The following AGMO variants were observed in gnomAD, a reference collection of about 807,000 sequenced individuals.
AGMO encodes the protein alkylglycerol monooxygenase, also known as glyceryl-ether monooxygenase.
AGMO carries 75 observed loss-of-function variants against 60.2 expected under a neutral mutation model. That is an observed-to-expected ratio of 1.25 (90% CI 1.03 to 1.51). The LOEUF is 1.51. Among genes scored for constraint, AGMO ranks in the 40% most tolerant of loss-of-function variants. The probability of loss-of-function intolerance (pLI) is 0.00; values close to 1 mark genes in which losing one functional copy is unlikely to be tolerated. For synonymous variants in AGMO, 261 were observed against 177.1 expected (o/e 1.47, Z -3.76); for missense variants, 763 against 525.5 (o/e 1.45, Z -4.42).
intron 12 of AGMO, among the ~76,000 whole-genome samples, chr7:15,341,308 G>C (rs1052984073): frequency 2.6e-5 from 4 of 152,118 alleles, no homozygotes; most frequent in African/African-American, 4.8e-5. Context: ...TCTCCCACCA[G>C]ATACCTTAAA....
At chr7:15,154,378 C>T in the AGMO span, among the ~76,000 whole-genome samples, 1 of 152,120 alleles carries the variant, frequency 6.6e-6, no homozygotes, top group Non-Finnish European at 1.5e-5. Flanking sequence ...TGAAAGGAAT[C>T]ATAGATGACA....
At chr7:15,264,416 G>A (rs1374842637) in intron 12 of AGMO, among the ~76,000 whole-genome samples, 1 of 151,772 alleles carries the variant, frequency 6.6e-6, no homozygotes, top group Non-Finnish European at 1.5e-5. Flanking sequence ...GGGAAAAAAT[G>A]CACCCTAGAT....
intron 3 of AGMO, among the ~76,000 whole-genome samples, chr7:15,510,597 A>G (rs1389426254): frequency 6.7e-6 from 1 of 149,728 alleles, no homozygotes; most frequent in Non-Finnish European, 1.5e-5. Context: ...TAACATAGAA[A>G]ATTATTCAGT....
intron 12 of AGMO, among the ~76,000 whole-genome samples, chr7:15,338,045 A>G (rs1781719281): frequency 6.6e-6 from 1 of 152,222 alleles, no homozygotes; most frequent in South Asian, 2.1e-4. Flanking sequence ...GGAATGTTTT[A>G]TAAATTACTT....
intron 12 of AGMO, among the ~76,000 whole-genome samples, chr7:15,361,637 G>C (rs1782771136): frequency 6.6e-6 from 1 of 150,412 alleles, no homozygotes. Context: ...AAGAGAGAGA[G>C]AAAGAATAAA....
chr7:15,347,592 C>CA (rs1350231865), intron 12 of AGMO, among the ~76,000 whole-genome samples: 1 of 143,690 alleles, frequency 7.0e-6, no homozygotes, highest in African/African-American at 2.7e-5. Flanking sequence ...AAAACATCCT[C>CA]AGTCCGAACT....
At chr7:15,121,808 C>A in the AGMO span, among the ~76,000 whole-genome samples, 2 of 151,898 alleles carry the variant, frequency 1.3e-5, no homozygotes, top group African/African-American at 2.4e-5. Flanking sequence ...AAACAAGCAA[C>A]GGGGAAAGGA....
intron 10 of AGMO, among the ~76,000 whole-genome samples, chr7:15,367,025 CT>C (rs1181065516): frequency 1.3e-5 from 2 of 151,866 alleles, no homozygotes; most frequent in African/African-American, 4.8e-5. Flanking sequence ...GTACGGCAGT[CT>C]TTTTTTATTG....
At chr7:15,505,793 CAG>C (rs1783498903) in intron 3 of AGMO, among the ~76,000 whole-genome samples, 1 of 151,934 alleles carries the variant, frequency 6.6e-6, no homozygotes, top group East Asian at 1.9e-4. Context: ...TTATTAATAA[CAG>C]AGTCTAAGAA....
downstream of AGMO, among the ~76,000 whole-genome samples, chr7:15,199,394 G>A (rs1781216448): frequency 6.6e-6 from 1 of 152,064 alleles, no homozygotes; most frequent in Non-Finnish European, 1.5e-5. Context: ...TCATTTGGGG[G>A]AATTATTTAT....
At chr7:15,397,339 C>T (rs1290135029) in intron 5 of AGMO, among the ~76,000 whole-genome samples, 1 of 151,754 alleles carries the variant, frequency 6.6e-6, no homozygotes. Context: ...GAACCCGAGC[C>T]GGCCCGCGAG....
At chr7:15,353,172 GTTTAC>G (rs944634811) in intron 12 of AGMO, among the ~76,000 whole-genome samples, 51 of 152,240 alleles carry the variant, frequency 3.3e-4, no homozygotes, top group African/African-American at 1.1e-3. Context: ...AGTAAATGAT[GTTTAC>G]TTTAAGCTGC....
intron 3 of AGMO, among the ~76,000 whole-genome samples, chr7:15,483,711 A>G (rs1782833069): frequency 6.6e-6 from 1 of 152,236 alleles, no homozygotes; most frequent in African/African-American, 2.4e-5. Context: ...TAAATACCAT[A>G]TTCTAGATTG....
intron 3 of AGMO, among the ~76,000 whole-genome samples, chr7:15,536,994 A>C (rs1298128048): frequency 6.6e-6 from 1 of 152,026 alleles, no homozygotes; most frequent in Non-Finnish European, 1.5e-5. Context: ...AGAGACTTCC[A>C]AATTCTTTTT....
intron 12 of AGMO, among the ~76,000 whole-genome samples, chr7:15,339,868 A>G (rs1373594358): frequency 6.6e-6 from 1 of 152,214 alleles, no homozygotes; most frequent in African/African-American, 2.4e-5. Flanking sequence ...TTTTAGCCCT[A>G]TTCTTCAGAA....
intron 10 of AGMO, among the ~76,000 whole-genome samples, chr7:15,382,958 A>G (rs1783754224): frequency 6.6e-6 from 1 of 151,888 alleles, no homozygotes; most frequent in Non-Finnish European, 1.5e-5. Context: ...ATTTTTGCCT[A>G]CTTGAGCCTA....
At chr7:15,470,487 C>G (rs1033355858) in intron 3 of AGMO, among the ~76,000 whole-genome samples, 2 of 151,740 alleles carry the variant, frequency 1.3e-5, no homozygotes, top group East Asian at 3.9e-4. Context: ...TTTTCAACTT[C>G]AAGTATTCAT....
Position 15,390,672 on chromosome 7 carries a change from T to C in AGMO, c.821A>G (p.Gln274Arg), listed in dbSNP as rs753863960. The change falls in exon 8 of 13, where the codon CAG (glutamine) becomes CGG (arginine). Residue 274 changes from glutamine to arginine, a missense_variant and splice_region_variant. Gln to Arg is a conservative substitution (Grantham distance 43). Coordinates refer to ENST00000342526, the MANE Select transcript of AGMO (RefSeq NM_001004320.2). ...PINTFEPIKV[Q>R]FHHLFSIWTT... The stretch of plus-strand genomic sequence containing the variant: ...AAGAATAAAAAACAAGTATGTTACC[T>C]GCACTTTGATTGGTTCAAATGTATT... 2.5e-6 allele frequency: 4 copies of C among 1,587,580 alleles called. No homozygotes were observed. Among genetic ancestry groups the C allele is most frequent in the Non-Finnish European group, 2.6e-6 (3 of 1,163,110 alleles).
At chr7:15,529,280 C>G (rs958562438) in intron 3 of AGMO, among the ~76,000 whole-genome samples, 1 of 151,232 alleles carries the variant, frequency 6.6e-6, no homozygotes, top group African/African-American at 2.4e-5. Context: ...AGTATTGAAA[C>G]AAATGTACCA....
Sources: allele counts gnomAD v4.1 joint callset (sites outside exome capture counted in the v4.1 genomes callset), GRCh38; gene constraint gnomAD v4.1.1; transcripts MANE v1.5; gene names NCBI Gene and HGNC (gene_info 2026-07-23, HGNC 2026-07-21).